Variants in HDDC2 observed in about 807,000 individuals in gnomAD.
The protein encoded by HDDC2 is 5'-deoxynucleotidase HDDC2.
HDDC2 carries 25 observed loss-of-function variants against 25.5 expected under a neutral mutation model. That is an observed-to-expected ratio of 0.98 (90% CI 0.72 to 1.37). The LOEUF is 1.37. Among genes scored for constraint, HDDC2 ranks in the 40% most tolerant of loss-of-function variants. HDDC2 has a pLI of 0.00. For missense variants in HDDC2, 264 were observed against 253.1 expected (o/e 1.04, Z -0.29); for synonymous variants, 106 against 89.7 (o/e 1.18, Z -1.03).
At chr6:125,300,488 C>A (rs764949651) in intron 2 of HDDC2, 50 bp downstream of exon 2, 2 of 1,584,108 alleles carry the variant, frequency 1.3e-6, no homozygotes, top group Non-Finnish European at 1.7e-6. Flanking sequence ...AACGGGTGCA[C>A]ACCCATAGAC....
intron 2 of HDDC2, among the ~76,000 whole-genome samples, chr6:125,299,181 C>A (rs545643274): frequency 6.6e-6 from 1 of 152,138 alleles, no homozygotes; most frequent in Non-Finnish European, 1.5e-5. Flanking sequence ...GTCAGGAGTT[C>A]GAGACCAGCC....
chr6:125,301,749 G>A (rs901542596), intron 1 of HDDC2, 100 bp downstream of exon 1: 51 of 827,758 alleles, frequency 6.2e-5, no homozygotes, highest in Non-Finnish European at 9.0e-5. Context: ...ACGCGGCGCA[G>A]GAAGGGCAAA....
chr6:125,298,801 G>A lies in HDDC2; in HGVS notation c.222C>T (p.Ala74=), dbSNP rs749610028. 1 of 1,613,432 alleles carries A rather than the reference G, an allele frequency of 6.2e-7. No homozygotes were observed. Among genetic ancestry groups the A allele is most frequent in the Non-Finnish European group, 8.5e-7 (1 of 1,179,680 alleles). Reference sequence around the variant, plus strand: ...TGCATTCTGCCATATCATGAACCAGGGCTAGGCGTACACATCTGATCAGGC... The same window carrying A: ...TGCATTCTGCCATATCATGAACCAGAGCTAGGCGTACACATCTGATCAGGC... ...RLNKDRCVRL[A]LVHDMAECIV... The change falls in exon 3 of 6, where the codon GCC becomes GCT. Residue 74 remains alanine, a synonymous_variant. Coordinates refer to ENST00000398153, the MANE Select transcript of HDDC2 (RefSeq NM_016063.3).
chr6:125,278,319 A>G (rs943680588), intron 4 of HDDC2: 24 of 152,234 alleles, frequency 1.6e-4, no homozygotes, highest in African/African-American at 5.8e-4. Flanking sequence ...TCACAGTTAT[A>G]TATTTATGTT....
At chr6:125,301,249 A>C (rs1324373177) in intron 1 of HDDC2, among the ~76,000 whole-genome samples, 1 of 152,166 alleles carries the variant, frequency 6.6e-6, no homozygotes, top group East Asian at 1.9e-4. Context: ...TTTACTTTGA[A>C]CTTGGGAGAG....
At chr6:125,300,296 C>T (rs1798775079) in intron 2 of HDDC2, 1 of 466,882 alleles carries the variant, frequency 2.1e-6, no homozygotes, top group Non-Finnish European at 3.8e-6. Flanking sequence ...CCCAATATCA[C>T]ACTTAAGTTT....
At chr6:125,291,412 G>C (rs899503384) in intron 4 of HDDC2, among the ~76,000 whole-genome samples, 1 of 152,124 alleles carries the variant, frequency 6.6e-6, no homozygotes, top group Admixed American at 6.5e-5. Flanking sequence ...AAATAATATG[G>C]TACATATGGT....
intron 3 of HDDC2, among the ~76,000 whole-genome samples, chr6:125,293,730 G>A (rs1016401474): frequency 3.3e-5 from 5 of 152,068 alleles, no homozygotes; most frequent in Admixed American, 1.3e-4. Context: ...CAAACACAAC[G>A]TCAAACAGGT....
At chr6:125,301,573 G>A (rs886092472) in intron 1 of HDDC2, among the ~76,000 whole-genome samples, 3 of 150,636 alleles carry the variant, frequency 2.0e-5, no homozygotes, top group African/African-American at 7.5e-5. Context: ...TGCTCTCCGG[G>A]AACTGGCGCG....
rs755211112 is a variant in HDDC2, at chr6:125,292,964, C to A, written c.310-55G>T. ...TATTGACATTTATCACAGTTAACAA[C>A]CACTCTGCAACAGACAAATAGGTTC... is the stretch of plus-strand genomic sequence containing the variant. On this transcript the variant is annotated intron_variant, in intron 3 of 5. Transcript: ENST00000398153. The A allele has an allele frequency of 3.7e-6, 5 of 1,354,720 alleles. No individual in the cohort carries two copies. The African/African-American group carries it at 7.1e-5, about 19-fold the overall frequency. The allele number at this position is 1,354,720 out of a possible 1,614,324, so 83.9% of individuals were successfully genotyped here.
At position 125,288,417 on chromosome 6, in the gene HDDC2, C is replaced by T. The variant is rs115595520; in HGVS notation, c.378+4424G>A. Among the ~76,000 whole-genome samples, 911 of 152,178 alleles carry T rather than the reference C, an allele frequency of 6.0e-3. 12 individuals are homozygous for T. Among genetic ancestry groups the T allele is most frequent in the African/African-American group, 0.021 (853 of 41,506 alleles). ...GAGTCTCTGAATCAGTGTTTCGCAGCCTTCTGGTAGGACAGGAGAGGACTC... is the reference window on the plus strand; with the variant it reads ...GAGTCTCTGAATCAGTGTTTCGCAGTCTTCTGGTAGGACAGGAGAGGACTC... On this transcript the variant is annotated intron_variant, in intron 4 of 5. Transcript: ENST00000398153.
In HDDC2 at chr6:125,293,090, A is replaced by G. The variant is rs890959198; in HGVS notation, c.310-181T>C. 15 of 685,622 alleles carry G rather than the reference A, an allele frequency of 2.2e-5. No homozygotes were observed. The African/African-American group carries it at 2.3e-4, about 11-fold the overall frequency. 42.5% of individuals were successfully genotyped at this position (685,622 alleles called of 1,614,324 possible). On this transcript the variant is annotated intron_variant, in intron 3 of 5. Coordinates refer to ENST00000398153, the MANE Select transcript of HDDC2 (RefSeq NM_016063.3). ...GAAGGCAGGCAGTTGTATACCTTAA[A>G]TAAATAAGTGTAATCATTCATATGG...
chr6:125,290,613 G>C (rs952986023), intron 4 of HDDC2, among the ~76,000 whole-genome samples: 2 of 152,274 alleles, frequency 1.3e-5, no homozygotes, highest in African/African-American at 4.8e-5. Context: ...TCAATAGAGA[G>C]AAATTTGGAC....
intron 4 of HDDC2, among the ~76,000 whole-genome samples, chr6:125,291,426 C>T (rs887336032): frequency 2.0e-4 from 31 of 152,132 alleles, no homozygotes; most frequent in Admixed American, 2.0e-3. Flanking sequence ...ATATGGTGTA[C>T]ACTAAGTCAT....
intron 1 of HDDC2, among the ~76,000 whole-genome samples, chr6:125,301,461 ACACGAGTTCTGGGGTCGTGAG>A (rs1429460271): frequency 2.8e-5 from 4 of 141,590 alleles, no homozygotes; most frequent in East Asian, 2.1e-4. Context: ...ACACACACAC[ACACGAGTTCTGGGGTCGTGAG>A]CACACACACA....
At chr6:125,280,451 C>T (rs551053487) in intron 4 of HDDC2, among the ~76,000 whole-genome samples, 58 of 152,308 alleles carry the variant, frequency 3.8e-4, no homozygotes, top group Middle Eastern at 3.4e-3. Context: ...ATCAGTGGAT[C>T]CCACCTCCAC....
intron 4 of HDDC2, among the ~76,000 whole-genome samples, chr6:125,289,505 C>T (rs202228082): frequency 8.1e-5 from 7 of 85,932 alleles, no homozygotes; most frequent in African/African-American, 5.3e-4. Context: ...TTAAAAAAAA[C>T]AAAACAAAAC....
At chr6:125,293,031 T>G (rs1798654948) in intron 3 of HDDC2, 122 bp from the exon 4 acceptor site, 2 of 771,710 alleles carry the variant, frequency 2.6e-6, no homozygotes, top group Non-Finnish European at 4.6e-6. Context: ...CAGAGTAAAT[T>G]GGCCTATACT....
At chr6:125,292,786 G>T (rs1234672052) in intron 4 of HDDC2, 55 bp downstream of exon 4, 3 of 1,278,756 alleles carry the variant, frequency 2.3e-6, no homozygotes, top group Admixed American at 3.4e-5. Flanking sequence ...CAACATCAGG[G>T]AGCCATATAA....
Sources: gnomAD v4.1 joint callset for allele counts (sites outside exome capture counted in the v4.1 genomes callset) on GRCh38, gnomAD v4.1.1 for gene constraint, MANE v1.5 for transcripts, NCBI Gene and HGNC (gene_info 2026-07-23, HGNC 2026-07-21) for gene names.